CATSPERB: variants seen among roughly 807,000 people sequenced by gnomAD.
CATSPERB encodes cation channel sperm-associated auxiliary subunit beta.
Under a neutral mutation model 128.3 loss-of-function variants are expected in CATSPERB, and 93 were observed. The observed-to-expected ratio is 0.72, with a 90% confidence interval of 0.61 to 0.86. The LOEUF (loss-of-function observed/expected upper bound fraction) is 0.86, where lower values mean the gene tolerates loss of function less well. CATSPERB is among the 40% of genes least tolerant of loss of function. The pLI is 0.00. For missense variants in CATSPERB, 1,153 were observed against 1,329.5 expected (o/e 0.87, Z 2.06); for synonymous variants, 381 against 448.8 (o/e 0.85, Z 1.91).
intron 11 of CATSPERB, among the ~76,000 whole-genome samples, chr14:91,676,758 T>C (rs1895198651): frequency 1.3e-5 from 2 of 152,194 alleles, no homozygotes; most frequent in Admixed American, 1.3e-4. Context: ...AGAGCCCGTA[T>C]AGCCAAGACA....
rs1259192882 is a variant in CATSPERB, at chr14:91,708,155, A to C, written c.452T>G (p.Leu151Trp). 1 of 1,608,388 alleles carries C rather than the reference A, an allele frequency of 6.2e-7. No homozygotes were observed. The highest frequency in any genetic ancestry group is 8.5e-7 in the Non-Finnish European group (1 of 1,175,740). The change falls in exon 6 of 27, where the codon TTG becomes TGG. Residue 151 changes from leucine (L) to tryptophan (W), a missense_variant. By Grantham distance (61) the Leu-to-Trp change is moderately conservative. Coordinates refer to ENST00000256343, the MANE Select transcript of CATSPERB (RefSeq NM_024764.4). ...TTGGCATTTACCTCGAATAACATCC[A>C]ATAGAGTTCCTTCAGTAGCATAAAT... ...LNIYATEGTL[L>W]DVIREPILQW...
chr14:91,685,312 C>T (rs1212517079), intron 10 of CATSPERB, among the ~76,000 whole-genome samples: 1 of 152,110 alleles, frequency 6.6e-6, no homozygotes, highest in African/African-American at 2.4e-5. Flanking sequence ...CACCTCATTT[C>T]TAAGAGGTAG....
At chr14:91,612,417 T>C (rs1377265878) in intron 20 of CATSPERB, among the ~76,000 whole-genome samples, 1 of 152,162 alleles carries the variant, frequency 6.6e-6, no homozygotes, top group Non-Finnish European at 1.5e-5. Context: ...TCCCAAAGTG[T>C]TGGGAACAGA....
intron 5 of CATSPERB, chr14:91,708,969 G>C (rs1280447103): frequency 1.3e-5 from 2 of 152,350 alleles, no homozygotes; most frequent in Non-Finnish European, 2.9e-5. Context: ...TGAAGTGGCT[G>C]TAAGCACAGG....
rs761121075 is a variant in CATSPERB at position 91,704,705 on chromosome 14, T to C, written c.467-4A>G. ...GGAGTCCACTGAAGAATCGGTTCTG[T>C]GGAAATCAAATTTGGGTGTTTAAAT... On this transcript the variant is annotated splice_polypyrimidine_tract_variant and splice_region_variant and intron_variant, in intron 6 of 26. Coordinates refer to ENST00000256343, the MANE Select transcript of CATSPERB (RefSeq NM_024764.4). 1.2e-6 allele frequency: 2 copies of C among 1,609,458 alleles called. No homozygotes were observed. Among genetic ancestry groups the C allele is most frequent in the East Asian group, 2.2e-5 (1 of 44,818 alleles).
In CATSPERB at chr14:91,604,371, T is replaced by C. The variant is rs897117257; in HGVS notation, c.2709+3923A>G. On this transcript the variant is annotated intron_variant, in intron 22 of 26. Coordinates refer to ENST00000256343, the MANE Select transcript of CATSPERB (RefSeq NM_024764.4). ...GGAAGGATTCAGCCAGTGCCCAGACTGAAATTGATTAATGTCAATTGCACT... is the reference window on the plus strand; with the variant it reads ...GGAAGGATTCAGCCAGTGCCCAGACCGAAATTGATTAATGTCAATTGCACT... 1.0e-5 allele frequency: 9 copies of C among 903,750 alleles called. No homozygotes were observed. In the African/African-American group the frequency reaches 1.3e-4, roughly 13 times the overall value. 56.0% of individuals were successfully genotyped at this position (903,750 alleles called of 1,614,324 possible). A position where few individuals can be genotyped will look rare whatever the true frequency, so the allele number is the denominator to read the frequency against.
chr14:91,672,025 C>CAAA (rs1895103233), intron 13 of CATSPERB, among the ~76,000 whole-genome samples: 1 of 147,000 alleles, frequency 6.8e-6, no homozygotes, highest in African/African-American at 2.5e-5. Context: ...GTCTCAAAAA[C>CAAA]AACAACAACA....
chr14:91,667,205 G>A (rs1303277622), intron 14 of CATSPERB, among the ~76,000 whole-genome samples: 1 of 152,226 alleles, frequency 6.6e-6, no homozygotes, highest in African/African-American at 2.4e-5. Flanking sequence ...CCTAACCTCT[G>A]GGGGAACCCC....
intron 7 of CATSPERB, among the ~76,000 whole-genome samples, chr14:91,694,010 A>AT (rs1333411234): frequency 6.6e-6 from 1 of 152,164 alleles, no homozygotes; most frequent in African/African-American, 2.4e-5. Flanking sequence ...CTTACAGCTA[A>AT]TTGTTCCTTG....
Position 91,610,532 on chromosome 14 carries a change from A to G in CATSPERB, c.2546T>C (p.Ile849Thr). The change falls in exon 21 of 27, where the codon ATT (isoleucine) becomes ACT (threonine). Residue 849 changes from isoleucine (I) to threonine (T), a missense_variant. By Grantham distance (89) the Ile-to-Thr change is moderately conservative (BLOSUM62 -1). Transcript: ENST00000256343. Reference sequence around the variant, plus strand: ...CTGACTGTCTTTATGAACTCCACTAATCCAGTCTTCAAATGGGATAAATTT... The same window carrying G: ...CTGACTGTCTTTATGAACTCCACTAGTCCAGTCTTCAAATGGGATAAATTT... The part of the protein sequence containing the change: ...PSKFIPFEDW[I>T]SGVHKDSQGF... The G allele has an allele frequency of 6.2e-7, 1 of 1,614,006 alleles. No individual in the cohort carries two copies. The highest frequency in any genetic ancestry group is 1.6e-4 in the Middle Eastern group (1 of 6,062).
In CATSPERB at chr14:91,726,330, C is replaced by T. The variant is rs146616422; in HGVS notation, c.80-1162G>A. The stretch of plus-strand genomic sequence containing the variant: ...TGCTGCCATGGAGCCAGAGCCCAGG[C>T]GTGCTCGTCCGGCTCCTGCACCTGC... On this transcript the variant is annotated intron_variant, in intron 2 of 26. Coordinates refer to ENST00000256343, the MANE Select transcript of CATSPERB (RefSeq NM_024764.4). Among the ~76,000 whole-genome samples the T allele has an allele frequency of 5.2e-3, 799 of 152,322 alleles. 7 individuals are homozygous for T. Among genetic ancestry groups the T allele is most frequent in the African/African-American group, 0.018 (742 of 41,572 alleles).
At chr14:91,591,355 C>G (rs1300777514) in intron 23 of CATSPERB, among the ~76,000 whole-genome samples, 1 of 151,974 alleles carries the variant, frequency 6.6e-6, no homozygotes, top group Non-Finnish European at 1.5e-5. Context: ...ACACCCGGCC[C>G]CAACTGCGTA....
At chr14:91,659,251 T>G (rs1320940217) in intron 15 of CATSPERB, among the ~76,000 whole-genome samples, 1 of 152,246 alleles carries the variant, frequency 6.6e-6, no homozygotes, top group Non-Finnish European at 1.5e-5. Context: ...CTCTACATTA[T>G]ATGTGTCAAA....
At chr14:91,726,490 A>G (rs566348668) in intron 2 of CATSPERB, among the ~76,000 whole-genome samples, 1 of 152,364 alleles carries the variant, frequency 6.6e-6, no homozygotes, top group South Asian at 2.1e-4. Context: ...CTGGGGCAAA[A>G]GATGGATGAA....
In CATSPERB at chr14:91,714,762, G is replaced by A. The variant is rs1448446730; in HGVS notation, c.370+4656C>T. On this transcript the variant is annotated intron_variant, in intron 5 of 26. Transcript: ENST00000256343. ...TTTAGTAGAGATGGGGTTTCGCCAC[G>A]TTGGCCAGGCTGGTTTCAAACTCCT... 4.6e-5 allele frequency among the ~76,000 whole-genome samples: 7 copies of A among 152,036 alleles called. No individual in the cohort carries two copies. The South Asian group carries it at 1.0e-3, about 23-fold the overall frequency.
At chr14:91,592,077 A>G (rs1224371875) in intron 22 of CATSPERB, 75 bp from the exon 23 acceptor site, 9 of 889,198 alleles carry the variant, frequency 1.0e-5, no homozygotes, top group Non-Finnish European at 1.7e-5. Flanking sequence ...AATATCTAAT[A>G]AATATTTATT....
At chr14:91,719,387 G>A (rs17783516) in intron 5 of CATSPERB, 31 bp downstream of exon 5, 478,050 of 1,455,840 alleles carry the variant, frequency 0.33, 80,595 homozygotes, top group South Asian at 0.46. Context: ...CCAGACCCAG[G>A]GGTAAAAGAA....
At chr14:91,637,706 G>A (rs145776840) in intron 16 of CATSPERB, among the ~76,000 whole-genome samples, 2,031 of 152,312 alleles carry the variant, frequency 0.013, 43 homozygotes, top group African/African-American at 0.044. Context: ...TTTATCCAGA[G>A]AGAATGCATG....
intron 15 of CATSPERB, among the ~76,000 whole-genome samples, chr14:91,653,200 T>G (rs959010807): frequency 2.6e-5 from 4 of 151,902 alleles, no homozygotes; most frequent in African/African-American, 9.7e-5. Flanking sequence ...AACTATACAA[T>G]AAAAAATGCT....
Sources: gnomAD v4.1 joint callset for allele counts (sites outside exome capture counted in the v4.1 genomes callset) on GRCh38, gnomAD v4.1.1 for gene constraint, MANE v1.5 for transcripts, NCBI Gene and HGNC (gene_info 2026-07-23, HGNC 2026-07-21) for gene names.